The following AKAP6 variants were observed in gnomAD, a reference collection of about 807,000 sequenced individuals.
AKAP6 encodes A-kinase anchoring protein 6, also known as A-kinase anchor protein 6.
Under a neutral mutation model 188.5 loss-of-function variants are expected in AKAP6, and 58 were observed. The observed-to-expected ratio is 0.31, with a 90% confidence interval of 0.25 to 0.38. The LOEUF is 0.38. Ranked by LOEUF, AKAP6 falls within the 10% of genes least tolerant of loss-of-function variation. AKAP6 has a pLI of 1.00. For missense variants in AKAP6, 2,710 were observed against 2,740.0 expected (o/e 0.99, Z 0.24); for synonymous variants, 989 against 998.6 (o/e 0.99, Z 0.18).
chr14:32,404,691 G>GATAGATAGATATATATATATATATAT lies in AKAP6; in HGVS notation c.-34-28766_-34-28765insGATAGATATATATATATATATATATA. Among the ~76,000 whole-genome samples the GATAGATAGATATATATATATATATAT allele has an allele frequency of 5.2e-4, 23 of 44,432 alleles. 2 individuals carry two copies. The highest frequency in any genetic ancestry group is 1.0e-3 in the African/African-American group (14 of 13,988). 29.1% of individuals were successfully genotyped at this position (44,432 alleles called of 152,430 possible). ...AGAGTGGGGTTATGAGGAGTCAGGA[G>GATAGATAGATATATATATATATATAT]ATATATATATATATATATATTAGTC... On this transcript the variant is annotated intron_variant, in intron 1 of 13. Coordinates refer to ENST00000280979, the MANE Select transcript of AKAP6 (RefSeq NM_004274.5).
At chr14:32,721,436 G>A (rs572159518) in intron 9 of AKAP6, among the ~76,000 whole-genome samples, 110 of 152,298 alleles carry the variant, frequency 7.2e-4, no homozygotes, top group Middle Eastern at 3.4e-3. Flanking sequence ...CAGGAAGGAC[G>A]TTGTTGAAAT....
intron 12 of AKAP6, among the ~76,000 whole-genome samples, chr14:32,777,798 T>C (rs186569466): frequency 6.6e-6 from 1 of 152,196 alleles, no homozygotes. Context: ...AGCACTTTGG[T>C]AGGCTGAGGT....
At chr14:32,355,313 G>C (rs1363726431) in intron 1 of AKAP6, among the ~76,000 whole-genome samples, 1 of 152,138 alleles carries the variant, frequency 6.6e-6, no homozygotes, top group African/African-American at 2.4e-5. Flanking sequence ...CAATGTTGCA[G>C]TGTTTTGGTT....
At chr14:32,759,699 G>A in intron 11 of AKAP6, among the ~76,000 whole-genome samples, 1 of 152,146 alleles carries the variant, frequency 6.6e-6, no homozygotes, top group Non-Finnish European at 1.5e-5. Context: ...GGCAAAGGGG[G>A]AGCAGGCACA....
In AKAP6 at chr14:32,824,380, A is replaced by G. The variant is rs760563758; in HGVS notation, c.6567A>G (p.Leu2189=). 5 of 1,613,904 alleles carry G rather than the reference A, an allele frequency of 3.1e-6. No homozygotes were observed. In the South Asian group the frequency reaches 3.3e-5, roughly 11 times the overall value. ...TTCCCAGCGAAGCTGCAATGCCACT[A>G]CAAGCAACAGCATGTTCTTCTGAGT... ...SAVPSEAAMP[L]QATACSSEFS... is the part of the protein sequence containing the mutation. The change falls in exon 13 of 14, where the codon CTA becomes CTG. Residue 2189 remains leucine (L), a synonymous_variant. Coordinates refer to ENST00000280979, the MANE Select transcript of AKAP6 (RefSeq NM_004274.5).
chr14:32,421,690 A>G (rs754845545), intron 1 of AKAP6, among the ~76,000 whole-genome samples: 4 of 152,116 alleles, frequency 2.6e-5, no homozygotes, highest in Non-Finnish European at 5.9e-5. Context: ...GCCCGCTCAT[A>G]TTTAGGAGTA....
At chr14:32,801,271 G>C (rs2033941453) in intron 12 of AKAP6, among the ~76,000 whole-genome samples, 1 of 149,544 alleles carries the variant, frequency 6.7e-6, no homozygotes, top group African/African-American at 2.5e-5. Flanking sequence ...ATTTCATTTT[G>C]TTTCCTCTTT....
chr14:32,732,501 G>C lies in AKAP6; in HGVS notation c.3048G>C (p.Leu1016=), dbSNP rs1269276488. ...TCAGACACCTGAAAAAGACGGAGCT[G>C]CTTAGTAAGGTTGAAGCTTTGAAGA... ...MSIRHLKKTE[L]LSKVEALKKG... The change falls in exon 10 of 14, where the codon CTG becomes CTC. Residue 1016 remains leucine (L), a synonymous_variant. Coordinates refer to ENST00000280979, the MANE Select transcript of AKAP6 (RefSeq NM_004274.5). The C allele has an allele frequency of 3.1e-6, 5 of 1,613,360 alleles. No homozygotes were observed. The highest frequency in any genetic ancestry group is 1.7e-6 in the Non-Finnish European group (2 of 1,179,616).
intron 9 of AKAP6, among the ~76,000 whole-genome samples, chr14:32,700,934 C>G (rs1890595773): frequency 6.6e-6 from 1 of 152,172 alleles, no homozygotes; most frequent in Admixed American, 6.5e-5. Flanking sequence ...AAAAATAACT[C>G]TTCCAGCTTA....
At chr14:32,400,460 T>C (rs1440590343) in intron 1 of AKAP6, among the ~76,000 whole-genome samples, 2 of 150,446 alleles carry the variant, frequency 1.3e-5, no homozygotes, top group Non-Finnish European at 3.0e-5. Context: ...TCACTTTTCA[T>C]TCCTGAGAGT....
At chr14:32,682,481 G>A (rs1889720105) in intron 8 of AKAP6, among the ~76,000 whole-genome samples, 1 of 152,184 alleles carries the variant, frequency 6.6e-6, no homozygotes, top group South Asian at 2.1e-4. Flanking sequence ...GTAAATGAAT[G>A]GATGCATGAA....
intron 7 of AKAP6, among the ~76,000 whole-genome samples, chr14:32,626,153 G>A (rs1887013915): frequency 6.6e-6 from 1 of 152,146 alleles, no homozygotes; most frequent in Non-Finnish European, 1.5e-5. Flanking sequence ...TAGGACTGCA[G>A]ACTTACTTAG....
In AKAP6 at chr14:32,824,448, C is replaced by G. The variant is rs201151556; in HGVS notation, c.6635C>G (p.Ala2212Gly). Reference protein sequence around the residue: ...SLSADDADTVALSSPSSQERA... With the variant: ...SLSADDADTVGLSSPSSQERA... ...TCAGCTGATGATGCAGATACAGTGG[C>G]TCTTTCAAGTCCTTCCTCTCAGGAA... Residue 2212 changes from alanine to glycine, a missense_variant, in exon 13 of 14, where the codon GCT becomes GGT. Coordinates refer to ENST00000280979, the MANE Select transcript of AKAP6 (RefSeq NM_004274.5). The G allele has an allele frequency of 1.9e-6, 3 of 1,613,940 alleles. No individual in the cohort carries two copies. The highest frequency in any genetic ancestry group is 3.3e-5 in the Admixed American group (2 of 59,908).
Position 32,546,175 on chromosome 14 carries a change from T to C in AKAP6, c.1522T>C (p.Cys508Arg), listed in dbSNP as rs1883188621. 1.9e-6 allele frequency: 3 copies of C among 1,613,940 alleles called. No homozygotes were observed. Among genetic ancestry groups the C allele is most frequent in the Admixed American group, 1.7e-5 (1 of 59,976 alleles). ...PHKTSEEVPP[C>R]RTPKRGTGSG... is the part of the protein sequence containing the mutation. ...CAAGACCTCAGAAGAGGTGCCTCCA[T>C]GCCGAACACCTAAACGGGGGACTGG... The change falls in exon 4 of 14, where the codon TGC (cysteine) becomes CGC (arginine). Residue 508 changes from cysteine (C) to arginine (R), a missense_variant. Around this residue, in one of 2 missense-constraint regions of AKAP6, gnomAD observed 2,473 missense variants for 2,426.1 expected, o/e 1.02. Coordinates refer to ENST00000280979, the MANE Select transcript of AKAP6 (RefSeq NM_004274.5).
intron 1 of AKAP6, among the ~76,000 whole-genome samples, chr14:32,333,366 A>C (rs1161413962): frequency 2.0e-5 from 3 of 152,188 alleles, no homozygotes; most frequent in Non-Finnish European, 2.9e-5. Context: ...AATTCAATAA[A>C]TATTTATTGA....
At chr14:32,732,380 C>T (rs1402113570) in intron 9 of AKAP6, 74 bp from the exon 10 acceptor site, 21 of 1,513,708 alleles carry the variant, frequency 1.4e-5, no homozygotes, top group Non-Finnish European at 1.8e-5. Flanking sequence ...GTAAGCATCA[C>T]AAATTCTGTG....
At chr14:32,373,377 T>C (rs909629663) in intron 1 of AKAP6, 2 of 152,024 alleles carry the variant, frequency 1.3e-5, no homozygotes, top group Non-Finnish European at 2.9e-5. Flanking sequence ...TGTCTTCTTG[T>C]GCTGAATCAT....
chr14:32,601,149 T>TA (rs1885913035), intron 7 of AKAP6, among the ~76,000 whole-genome samples: 1 of 152,206 alleles, frequency 6.6e-6, no homozygotes. Context: ...TAAATCACTA[T>TA]AATCAGTGCA....
chr14:32,678,278 A>C lies in AKAP6; in HGVS notation c.2731-33A>C, dbSNP rs766076788. ...ACTTGAAATGCATTCCTTCTGGATT[A>C]AAACAGCAATTTCTCTTTGTTTCTC... On this transcript the variant is annotated intron_variant, in intron 7 of 13. Coordinates refer to ENST00000280979, the MANE Select transcript of AKAP6 (RefSeq NM_004274.5). 2.5e-6 allele frequency: 4 copies of C among 1,590,796 alleles called. No homozygotes were observed. The African/African-American group carries it at 4.0e-5, about 16-fold the overall frequency.
Sources: allele counts gnomAD v4.1 joint callset (sites outside exome capture counted in the v4.1 genomes callset), GRCh38; gene constraint gnomAD v4.1.1; regional missense constraint gnomAD v4.1.1; transcripts MANE v1.5; gene names NCBI Gene and HGNC (gene_info 2026-07-23, HGNC 2026-07-21).